Variants in MKLN1 observed in about 807,000 individuals in gnomAD.
MKLN1 encodes the protein muskelin 1, also known as muskelin.
Under a neutral mutation model 99.0 loss-of-function variants are expected in MKLN1, and 18 were observed. The ratio of observed to expected loss-of-function variants is 0.18; its 90% confidence interval spans 0.13 to 0.27. MKLN1 has a LOEUF of 0.27. Among genes scored for constraint, MKLN1 ranks in the 10% least tolerant of loss-of-function variants. The pLI is 1.00. For missense variants in MKLN1, 621 were observed against 875.9 expected, an observed-to-expected ratio of 0.71 and a Z score of 3.67; for synonymous variants, 288 against 293.2, an observed-to-expected ratio of 0.98 and a Z score of 0.18.
rs1356330663 is a variant in MKLN1 at position 131,496,521 on chromosome 7, ATG to A, written c.*8794_*8795del. Reference sequence around the variant, plus strand: ...TTAATTCTACTTTGTGAATAAATAAATGAGTGATCTGCTAAAAATGGCAATTG... The same window carrying A: ...TTAATTCTACTTTGTGAATAAATAAAAGTGATCTGCTAAAAATGGCAATTG... On this transcript the variant is annotated 3_prime_UTR_variant, in exon 18 of 18. Transcript: ENST00000352689. 3 of 152,062 alleles carry A rather than the reference ATG, an allele frequency of 2.0e-5. No individual in the cohort carries two copies. The highest frequency in any genetic ancestry group is 4.4e-5 in the Non-Finnish European group (3 of 68,028). 9.4% of individuals were successfully genotyped at this position (152,062 alleles called of 1,614,324 possible).
intron 3 of MKLN1, among the ~76,000 whole-genome samples, chr7:131,229,262 A>G (rs1314705036): frequency 6.6e-6 from 1 of 151,912 alleles, no homozygotes; most frequent in Non-Finnish European, 1.5e-5. Context: ...TGCTGCACCC[A>G]TCGATCCGTC....
At chr7:131,148,346 T>C (rs914340119) in intron 2 of MKLN1, among the ~76,000 whole-genome samples, 5 of 152,138 alleles carry the variant, frequency 3.3e-5, no homozygotes, top group African/African-American at 1.2e-4. Context: ...AGACAAGACA[T>C]AAAACATTAA....
At chr7:131,406,908 G>A (rs1034048538) in intron 6 of MKLN1, among the ~76,000 whole-genome samples, 5 of 151,854 alleles carry the variant, frequency 3.3e-5, no homozygotes, top group Admixed American at 2.0e-4. Context: ...TTTTATATTT[G>A]TTTTAGATTA....
intron 3 of MKLN1, among the ~76,000 whole-genome samples, chr7:131,262,308 G>A (rs998836666): frequency 2.0e-5 from 3 of 151,848 alleles, no homozygotes; most frequent in Admixed American, 6.6e-5. Flanking sequence ...GTGGTGGCGT[G>A]CGACTGTAGT....
At chr7:131,184,338 AT>A (rs757463958) in intron 2 of MKLN1, among the ~76,000 whole-genome samples, 15 of 151,836 alleles carry the variant, frequency 9.9e-5, no homozygotes, top group African/African-American at 3.1e-4. Flanking sequence ...CCAAATCCAT[AT>A]TTGTTTCAGA....
intron 16 of MKLN1, 125 bp from the exon 17 acceptor site, chr7:131,478,498 T>C (rs1797026033): frequency 9.7e-6 from 9 of 926,938 alleles, no homozygotes; most frequent in Non-Finnish European, 1.3e-5. Flanking sequence ...AATAGACCTA[T>C]GTCACACATA....
chr7:131,411,097 C>T (rs1237509798), intron 6 of MKLN1, among the ~76,000 whole-genome samples: 2 of 152,098 alleles, frequency 1.3e-5, no homozygotes, highest in Non-Finnish European at 2.9e-5. Context: ...AATTTGTTTG[C>T]ATGGTTGTGT....
chr7:131,410,386 TAAATG>T (rs1794840168), intron 6 of MKLN1, among the ~76,000 whole-genome samples: 3 of 152,160 alleles, frequency 2.0e-5, no homozygotes, highest in East Asian at 1.9e-4. Context: ...TTTTTAGAAT[TAAATG>T]AGATGAGACA....
In MKLN1 at chr7:131,361,677, ACTTT is replaced by A. The variant is rs372436497; in HGVS notation, c.99-13741_99-13738del. 3.5e-3 allele frequency among the ~76,000 whole-genome samples: 524 copies of A among 150,894 alleles called. 2 individuals are homozygous for A. Among genetic ancestry groups the A allele is most frequent in the African/African-American group, 0.012 (499 of 41,220 alleles). On this transcript the variant is annotated intron_variant, in intron 1 of 17. Coordinates refer to ENST00000352689, the MANE Select transcript of MKLN1 (RefSeq NM_013255.5). ...GGAAGTTAACTAAGAACTTTTTCTAACTTTCTTTCCTCACTCTCCCAACATCTGA... is the reference window on the plus strand; with the variant it reads ...GGAAGTTAACTAAGAACTTTTTCTAACTTTCCTCACTCTCCCAACATCTGA...
intron 2 of MKLN1, among the ~76,000 whole-genome samples, chr7:131,192,682 C>T (rs1206569505): frequency 6.6e-6 from 1 of 151,658 alleles, no homozygotes; most frequent in Non-Finnish European, 1.5e-5. Context: ...GCTGGGACTA[C>T]AGGCACCCAC....
chr7:131,338,530 A>C (rs1799314775), intron 1 of MKLN1, among the ~76,000 whole-genome samples: 1 of 152,236 alleles, frequency 6.6e-6, no homozygotes, highest in Non-Finnish European at 1.5e-5. Flanking sequence ...ATATTTTAAG[A>C]ACTTTCTCCC....
At chr7:131,282,584 A>T (rs1798068421) in intron 3 of MKLN1, among the ~76,000 whole-genome samples, 1 of 152,110 alleles carries the variant, frequency 6.6e-6, no homozygotes, top group Non-Finnish European at 1.5e-5. Flanking sequence ...GAAATAGAGG[A>T]GGAGGGATCT....
intron 8 of MKLN1, among the ~76,000 whole-genome samples, chr7:131,422,853 A>G (rs1227099152): frequency 2.0e-5 from 3 of 152,076 alleles, no homozygotes; most frequent in African/African-American, 7.2e-5. Flanking sequence ...CTCCTAAGGG[A>G]ATCCTATCAT....
At chr7:131,418,023 A>G (rs1795074284) in intron 8 of MKLN1, among the ~76,000 whole-genome samples, 2 of 152,238 alleles carry the variant, frequency 1.3e-5, no homozygotes, top group Non-Finnish European at 2.9e-5. Flanking sequence ...AGAAGGAACT[A>G]TTTTTGTAAC....
intron 9 of MKLN1, among the ~76,000 whole-genome samples, chr7:131,429,906 G>A (rs1469174699): frequency 6.6e-6 from 1 of 152,148 alleles, no homozygotes; most frequent in Admixed American, 6.5e-5. Flanking sequence ...AATAAAAATT[G>A]TATATATGTA....
chr7:131,200,630 A>G (rs1796713046), intron 2 of MKLN1, among the ~76,000 whole-genome samples: 1 of 152,252 alleles, frequency 6.6e-6, no homozygotes, highest in South Asian at 2.1e-4. Flanking sequence ...GGTAACCATT[A>G]TATCAAAATT....
At chr7:131,384,880 G>A (rs1283676239) in intron 2 of MKLN1, among the ~76,000 whole-genome samples, 1 of 152,088 alleles carries the variant, frequency 6.6e-6, no homozygotes, top group Non-Finnish European at 1.5e-5. Context: ...TTTTTTTATT[G>A]AGGTAAAATC....
intron 3 of MKLN1, among the ~76,000 whole-genome samples, chr7:131,311,569 G>A (rs1798564396): frequency 2.0e-5 from 3 of 152,150 alleles, no homozygotes; most frequent in Admixed American, 2.0e-4. Flanking sequence ...TGGACTTCCA[G>A]AGGTTCCTTT....
chr7:131,411,011 C>T (rs1019449307), intron 6 of MKLN1, among the ~76,000 whole-genome samples: 5 of 152,058 alleles, frequency 3.3e-5, no homozygotes, highest in Non-Finnish European at 7.4e-5. Context: ...CCGTTGAATG[C>T]AACAGTGACT....
Sources: gnomAD v4.1 joint callset for allele counts (sites outside exome capture counted in the v4.1 genomes callset) on GRCh38, gnomAD v4.1.1 for gene constraint, MANE v1.5 for transcripts, NCBI Gene and HGNC (gene_info 2026-07-23, HGNC 2026-07-21) for gene names.